KCNH7: variants seen among roughly 807,000 people sequenced by gnomAD.
KCNH7 encodes voltage-gated inwardly rectifying potassium channel KCNH7.
KCNH7 carries 49 observed loss-of-function variants against 120.8 expected under a neutral mutation model. The ratio of observed to expected loss-of-function variants is 0.41; its 90% confidence interval spans 0.32 to 0.51. The LOEUF is 0.51. Among genes scored for constraint, KCNH7 ranks in the 20% least tolerant of loss-of-function variants. The pLI is 0.38. For synonymous variants in KCNH7, 547 were observed against 516.1 expected (o/e 1.06, Z -0.81); for missense variants, 1,097 against 1,446.6 (o/e 0.76, Z 3.92).
At chr2:162,538,280 T>A (rs1292533349) in intron 2 of KCNH7, among the ~76,000 whole-genome samples, 1 of 152,038 alleles carries the variant, frequency 6.6e-6, no homozygotes, top group Non-Finnish European at 1.5e-5. Context: ...GTATTTTATG[T>A]GTGGCCCAAG....
At chr2:162,634,859 G>C (rs1683901206) in intron 2 of KCNH7, among the ~76,000 whole-genome samples, 1 of 152,060 alleles carries the variant, frequency 6.6e-6, no homozygotes. Flanking sequence ...GACAAATTGG[G>C]AGGGTAGCTA....
chr2:162,591,602 A>G (rs6754597), intron 2 of KCNH7, among the ~76,000 whole-genome samples: 78,018 of 151,886 alleles, frequency 0.51, 20,257 homozygotes, highest in Middle Eastern at 0.62. Flanking sequence ...TAGCTAAATG[A>G]GTAACTTTAA....
At chr2:162,830,695 C>CAT (rs1039893003) in intron 2 of KCNH7, among the ~76,000 whole-genome samples, 3 of 152,096 alleles carry the variant, frequency 2.0e-5, no homozygotes, top group African/African-American at 7.2e-5. Flanking sequence ...GTGATTAAGT[C>CAT]ATATGGGCTC....
intron 14 of KCNH7, among the ~76,000 whole-genome samples, chr2:162,374,576 A>G (rs923391341): frequency 6.6e-6 from 1 of 152,182 alleles, no homozygotes; most frequent in Non-Finnish European, 1.5e-5. Context: ...AAAAATGGAA[A>G]TAAAACAAAA....
At chr2:162,582,489 C>T (rs942382676) in intron 2 of KCNH7, among the ~76,000 whole-genome samples, 1 of 152,004 alleles carries the variant, frequency 6.6e-6, no homozygotes, top group Non-Finnish European at 1.5e-5. Flanking sequence ...GACTTTCTGC[C>T]CTTTTAGTTG....
At chr2:162,801,718 T>C (rs1009218874) in intron 2 of KCNH7, among the ~76,000 whole-genome samples, 2 of 151,722 alleles carry the variant, frequency 1.3e-5, no homozygotes, top group African/African-American at 2.4e-5. Flanking sequence ...TATTTGAGAA[T>C]GCTAAGCAAT....
chr2:162,573,139 C>A (rs1693550002), intron 2 of KCNH7, among the ~76,000 whole-genome samples: 1 of 151,898 alleles, frequency 6.6e-6, no homozygotes, highest in Non-Finnish European at 1.5e-5. Context: ...ATGAATTCCT[C>A]AAGAAATGTT....
At position 162,536,989 on chromosome 2, in the gene KCNH7, C is replaced by G. The variant is rs761222138; in HGVS notation, c.399G>C (p.Thr133=). Residue 133 remains threonine (T), a synonymous_variant, in exon 3 of 16, where the codon ACG becomes ACC. Coordinates refer to ENST00000332142, the MANE Select transcript of KCNH7 (RefSeq NM_033272.4). Reference sequence around the variant, plus strand: ...CTGGGGTGGCAGCGTTTTCATTATCCGTCACATATTCAAAATTAATGATGA... The same window carrying G: ...CTGGGGTGGCAGCGTTTTCATTATCGGTCACATATTCAAAATTAATGATGA... The part of the protein sequence containing the change: ...MMFIINFEYV[T]DNENAATPER... 43 of 1,612,644 alleles carry G rather than the reference C, an allele frequency of 2.7e-5. No individual in the cohort carries two copies. Among genetic ancestry groups the G allele is most frequent in the Non-Finnish European group, 3.3e-5 (39 of 1,179,056 alleles).
At chr2:162,500,103 T>TTTATACATTATATATGGATATATA (rs1690626230) in intron 6 of KCNH7, among the ~76,000 whole-genome samples, 1 of 149,878 alleles carries the variant, frequency 6.7e-6, no homozygotes, top group East Asian at 2.0e-4. Flanking sequence ...ACTGTGTGTG[T>TTTATACATTATATATGGATATATA]TTATACATTA....
intron 2 of KCNH7, among the ~76,000 whole-genome samples, chr2:162,688,494 T>A (rs1203236043): frequency 6.6e-6 from 1 of 152,148 alleles, no homozygotes; most frequent in Non-Finnish European, 1.5e-5. Flanking sequence ...TTCAGATTTG[T>A]AATCATGTGG....
intron 2 of KCNH7, among the ~76,000 whole-genome samples, chr2:162,591,882 G>A (rs1033808452): frequency 6.6e-6 from 1 of 151,606 alleles, no homozygotes; most frequent in Non-Finnish European, 1.5e-5. Flanking sequence ...TCTTCCTCTC[G>A]GAGATTACAT....
At chr2:162,776,019 T>A (rs2105481806) in intron 2 of KCNH7, among the ~76,000 whole-genome samples, 1 of 152,334 alleles carries the variant, frequency 6.6e-6, no homozygotes, top group East Asian at 1.9e-4. Flanking sequence ...TGAAACAACA[T>A]CTGGCTCATA....
intron 2 of KCNH7, among the ~76,000 whole-genome samples, chr2:162,728,992 G>T (rs1559103807): frequency 6.7e-6 from 1 of 148,624 alleles, no homozygotes; most frequent in Non-Finnish European, 1.5e-5. Context: ...TAAGGTTCAA[G>T]TTTTTTTTTT....
chr2:162,477,867 C>A (rs946305969), intron 6 of KCNH7, among the ~76,000 whole-genome samples: 9 of 143,192 alleles, frequency 6.3e-5, no homozygotes, highest in African/African-American at 2.6e-4. Context: ...CATTTGCCCA[C>A]CCACCCAACT....
In KCNH7 at chr2:162,728,793, C is replaced by G. The variant is rs555006797; in HGVS notation, c.307+107744G>C. On this transcript the variant is annotated intron_variant, in intron 2 of 15. Coordinates refer to ENST00000332142, the MANE Select transcript of KCNH7 (RefSeq NM_033272.4). ...AACTCCATCTCAAAACAAAACAAAACAAAAAACTTTGATGAAGCCAAGTTA... is the reference window on the plus strand; with the variant it reads ...AACTCCATCTCAAAACAAAACAAAAGAAAAAACTTTGATGAAGCCAAGTTA... Among the ~76,000 whole-genome samples, 7 of 152,116 alleles carry G rather than the reference C, an allele frequency of 4.6e-5. No individual in the cohort carries two copies. The East Asian group carries it at 1.2e-3, about 25-fold the overall frequency.
At chr2:162,496,081 A>G (rs1690488169) in intron 6 of KCNH7, among the ~76,000 whole-genome samples, 1 of 152,162 alleles carries the variant, frequency 6.6e-6, no homozygotes, top group Non-Finnish European at 1.5e-5. Context: ...GAAACCATGC[A>G]TGGATGTGCC....
intron 3 of KCNH7, among the ~76,000 whole-genome samples, chr2:162,523,805 T>C (rs934032500): frequency 4.6e-5 from 7 of 152,006 alleles, no homozygotes; most frequent in African/African-American, 1.7e-4. Flanking sequence ...CAATTTTTCA[T>C]CATTTCTATA....
chr2:162,461,061 A>G (rs6432717), intron 6 of KCNH7, among the ~76,000 whole-genome samples: 11,213 of 152,242 alleles, frequency 0.074, 1,319 homozygotes, highest in African/African-American at 0.25. Context: ...ATTATGTAGA[A>G]CTACCTTTTT....
At chr2:162,416,923 T>C (rs1270438887) in intron 9 of KCNH7, among the ~76,000 whole-genome samples, 2 of 152,116 alleles carry the variant, frequency 1.3e-5, no homozygotes, top group African/African-American at 4.8e-5. Flanking sequence ...ATTTTTTCCA[T>C]CCACACTCAT....
Sources: allele counts gnomAD v4.1 joint callset (sites outside exome capture counted in the v4.1 genomes callset), GRCh38; gene constraint gnomAD v4.1.1; transcripts MANE v1.5; gene names NCBI Gene and HGNC (gene_info 2026-07-23, HGNC 2026-07-21).